ERC2: variants seen among roughly 807,000 people sequenced by gnomAD.
The protein encoded by ERC2 is ELKS/RAB6-interacting/CAST family member 2.
A neutral mutation model predicts 114.8 loss-of-function variants in ERC2; 42 were observed. The observed-to-expected ratio is 0.37, with a 90% CI of 0.29 to 0.47. The LOEUF is 0.47. ERC2 is among the 20% of genes least tolerant of loss of function. ERC2 has a pLI of 0.99. For synonymous variants in ERC2, 454 were observed against 425.5 expected (o/e 1.07, Z -0.82); for missense variants, 939 against 1,150.7 (o/e 0.82, Z 2.66).
chr3:55,539,415 C>CGTTTTTTTTTTT (rs2054227120), intron 17 of ERC2, among the ~76,000 whole-genome samples: 1 of 39,090 alleles, frequency 2.6e-5, no homozygotes, highest in East Asian at 1.3e-3. Flanking sequence ...TTTTTTCTTT[C>CGTTTTTTTTTTT]TTTTTTTTTT....
At chr3:55,681,328 C>T (rs1037529455) in intron 17 of ERC2, among the ~76,000 whole-genome samples, 1 of 152,180 alleles carries the variant, frequency 6.6e-6, no homozygotes, top group African/African-American at 2.4e-5. Context: ...AAGTCAGAGC[C>T]TTCCGATGCT....
chr3:56,074,884 T>A (rs1234036741), intron 7 of ERC2, among the ~76,000 whole-genome samples: 2 of 152,140 alleles, frequency 1.3e-5, no homozygotes, highest in Non-Finnish European at 2.9e-5. Flanking sequence ...TCAAAGCAAT[T>A]TCTCCTCTCC....
chr3:55,827,577 A>C (rs1251948012), intron 14 of ERC2, among the ~76,000 whole-genome samples: 3 of 152,238 alleles, frequency 2.0e-5, no homozygotes, highest in African/African-American at 7.2e-5. Flanking sequence ...ATGTTGATTG[A>C]ATAATCACTA....
intron 14 of ERC2, among the ~76,000 whole-genome samples, chr3:55,856,378 C>T (rs1179887115): frequency 6.6e-6 from 1 of 152,198 alleles, no homozygotes; most frequent in African/African-American, 2.4e-5. Flanking sequence ...TCGTCCAATG[C>T]AGAACAGAAC....
intron 2 of ERC2, among the ~76,000 whole-genome samples, chr3:56,400,058 G>C (rs1387646669): frequency 6.6e-6 from 1 of 151,998 alleles, no homozygotes; most frequent in Admixed American, 6.6e-5. Flanking sequence ...GAGACAACTG[G>C]AAATTGAACA....
intron 12 of ERC2, among the ~76,000 whole-genome samples, chr3:55,958,113 A>G (rs2068091910): frequency 6.6e-6 from 1 of 152,210 alleles, no homozygotes. Flanking sequence ...TCACTGAGTG[A>G]CAGAACGGCT....
chr3:55,978,049 A>G (rs1028698588), intron 12 of ERC2, among the ~76,000 whole-genome samples: 1 of 152,198 alleles, frequency 6.6e-6, no homozygotes, highest in Non-Finnish European at 1.5e-5. Flanking sequence ...GTGTAGTGCC[A>G]GTTACATCCC....
rs2051963357 is a variant in ERC2 at position 55,509,778 on chromosome 3, A to G, written c.*1538T>C. 6.6e-6 allele frequency: 1 copy of G among 152,614 alleles called. No individual in the cohort carries two copies. Among genetic ancestry groups the G allele is most frequent in the South Asian group, 2.1e-4 (1 of 4,822 alleles). The allele number at this position is 152,614 out of a possible 1,614,324, so 9.5% of individuals were successfully genotyped here. ...AAAGTAATAATAATGACTAAATTCA[A>G]TGCAAGACTTCAGGGACATCTGTTT... On this transcript the variant is annotated 3_prime_UTR_variant, in exon 18 of 18. Transcript: ENST00000288221.
chr3:55,757,793 A>G (rs1478909604), intron 14 of ERC2, among the ~76,000 whole-genome samples: 1 of 152,176 alleles, frequency 6.6e-6, no homozygotes, highest in Admixed American at 6.5e-5. Flanking sequence ...ATTTATCAAT[A>G]GCTTACAATT....
At chr3:56,221,299 A>G (rs1308905898) in intron 3 of ERC2, among the ~76,000 whole-genome samples, 1 of 152,066 alleles carries the variant, frequency 6.6e-6, no homozygotes, top group Non-Finnish European at 1.5e-5. Context: ...ACTTCTGCAA[A>G]ACTGGGAATT....
chr3:55,913,726 C>A (rs954734275), intron 13 of ERC2, among the ~76,000 whole-genome samples: 9 of 152,176 alleles, frequency 5.9e-5, no homozygotes, highest in Admixed American at 4.6e-4. Flanking sequence ...CAAGACTTGA[C>A]ACTACTGTCC....
intron 12 of ERC2, among the ~76,000 whole-genome samples, chr3:55,961,898 A>G (rs912160148): frequency 9.4e-5 from 14 of 149,730 alleles, no homozygotes; most frequent in East Asian, 3.9e-4. Flanking sequence ...GATTCTTCAC[A>G]TTGACTTCTA....
chr3:55,616,205 G>A (rs2059117125), intron 17 of ERC2, among the ~76,000 whole-genome samples: 1 of 152,192 alleles, frequency 6.6e-6, no homozygotes. Context: ...GAGAATAAAA[G>A]CTGCAGTTAT....
chr3:56,429,907 C>A (rs1461521056), intron 2 of ERC2, among the ~76,000 whole-genome samples: 1 of 152,176 alleles, frequency 6.6e-6, no homozygotes, highest in Non-Finnish European at 1.5e-5. Flanking sequence ...TTGGGTTCAG[C>A]TCCCTTAGAC....
intron 2 of ERC2, among the ~76,000 whole-genome samples, chr3:56,419,384 A>G (rs995830444): frequency 6.6e-6 from 1 of 152,244 alleles, no homozygotes; most frequent in African/African-American, 2.4e-5. Flanking sequence ...TAATGAAAAT[A>G]TTTAAAGATG....
chr3:56,318,752 T>C (rs1253363988), intron 2 of ERC2, among the ~76,000 whole-genome samples: 2 of 151,618 alleles, frequency 1.3e-5, no homozygotes, highest in Non-Finnish European at 2.9e-5. Flanking sequence ...CACAATGAGA[T>C]ATCATTTCAC....
intron 17 of ERC2, among the ~76,000 whole-genome samples, chr3:55,582,276 T>C (rs997175524): frequency 1.3e-5 from 2 of 152,230 alleles, no homozygotes; most frequent in African/African-American, 2.4e-5. Flanking sequence ...TGTGAGGGCC[T>C]CTCTCCCTTG....
chr3:55,779,306 A>AC lies in ERC2; in HGVS notation c.2565-44389dup, dbSNP rs1338587995. ...AAACCAGCCTGGCCAACATGATGAA[A>AC]CCCCATCTCTACTAAAAATACAAAA... is the stretch of plus-strand genomic sequence containing the variant. On this transcript the variant is annotated intron_variant, in intron 14 of 17. Transcript: ENST00000288221. Among the ~76,000 whole-genome samples, 5 of 135,976 alleles carry AC rather than the reference A, an allele frequency of 3.7e-5. 1 individual carries two copies. The South Asian group carries it at 1.2e-3, about 32-fold the overall frequency. The allele number at this position is 135,976 out of a possible 152,430, so 89.2% of individuals were successfully genotyped here.
At chr3:56,147,379 T>A (rs892374954) in intron 5 of ERC2, among the ~76,000 whole-genome samples, 3 of 152,184 alleles carry the variant, frequency 2.0e-5, no homozygotes, top group African/African-American at 7.2e-5. Flanking sequence ...TGATCCACGT[T>A]TTCAGCACAA....
Sources: allele counts gnomAD v4.1 joint callset (sites outside exome capture counted in the v4.1 genomes callset), GRCh38; gene constraint gnomAD v4.1.1; transcripts MANE v1.5; gene names NCBI Gene and HGNC (gene_info 2026-07-23, HGNC 2026-07-21).